Variants in CDK6 observed in about 807,000 individuals in gnomAD.
CDK6 encodes the protein cyclin-dependent kinase 6.
A neutral mutation model predicts 37.1 loss-of-function variants in CDK6; 6 were observed. That is an observed-to-expected ratio of 0.16 (90% CI 0.09 to 0.32). CDK6 has a LOEUF of 0.32. Among genes scored for constraint, CDK6 ranks in the 10% least tolerant of loss-of-function variants. The pLI, the probability that CDK6 is intolerant of heterozygous loss-of-function variation, is 1.00. For missense variants in CDK6, 224 were observed against 418.9 expected, an observed-to-expected ratio of 0.53 and a Z score of 4.06; for synonymous variants, 160 against 161.3, an observed-to-expected ratio of 0.99 and a Z score of 0.06.
intron 3 of CDK6, among the ~76,000 whole-genome samples, chr7:92,728,849 T>C (rs1289989765): frequency 6.6e-6 from 1 of 152,216 alleles, no homozygotes; most frequent in Non-Finnish European, 1.5e-5. Context: ...AACACTGAGT[T>C]AACGACTTAA....
rs147442028 is a variant in CDK6 at position 92,764,048 on chromosome 7, G to T, written c.369+10648C>A. On this transcript the variant is annotated intron_variant, in intron 3 of 7. Coordinates refer to ENST00000424848, the MANE Select transcript of CDK6 (RefSeq NM_001145306.2). Reference sequence around the variant, plus strand: ...TTACTCATTTTTGCAAAATCTGTTGGGTTTAAAAAAAAAACCTGTTGGGTT... The same window carrying T: ...TTACTCATTTTTGCAAAATCTGTTGTGTTTAAAAAAAAAACCTGTTGGGTT... 1.4e-3 allele frequency among the ~76,000 whole-genome samples: 212 copies of T among 151,224 alleles called. 1 individual carries two copies. Among genetic ancestry groups the T allele is most frequent in the African/African-American group, 2.7e-3 (113 of 41,234 alleles).
intron 2 of CDK6, among the ~76,000 whole-genome samples, chr7:92,795,536 A>G (rs1424029194): frequency 6.6e-6 from 1 of 152,118 alleles, no homozygotes; most frequent in East Asian, 1.9e-4. Context: ...TTTCCAAGGA[A>G]TCACAAAAAA....
chr7:92,695,386 A>G (rs1168832028), intron 4 of CDK6, among the ~76,000 whole-genome samples: 2 of 152,182 alleles, frequency 1.3e-5, no homozygotes, highest in Non-Finnish European at 2.9e-5. Flanking sequence ...AGGGCACTGG[A>G]TCAAGCTAAA....
intron 2 of CDK6, among the ~76,000 whole-genome samples, chr7:92,831,703 A>G (rs944128920): frequency 6.6e-6 from 1 of 152,222 alleles, no homozygotes; most frequent in Non-Finnish European, 1.5e-5. Context: ...TCTTAACTTT[A>G]TAACCATTTA....
rs1795423046 is a variant in CDK6 at position 92,606,161 on chromosome 7, G to C, written c.*8979C>G. 1 of 233,518 alleles carries C rather than the reference G, an allele frequency of 4.3e-6. No homozygotes were observed. The highest frequency in any genetic ancestry group is 8.5e-6 in the Non-Finnish European group (1 of 117,984). The allele number at this position is 233,518 out of a possible 1,614,324, so 14.5% of individuals were successfully genotyped here. On this transcript the variant is annotated 3_prime_UTR_variant, in exon 8 of 8. Transcript: ENST00000424848. The stretch of plus-strand genomic sequence containing the variant: ...TAAAAGTGTGGCCTGTAGATGGAGA[G>C]AAAACAGCAGCCTGGAATGTGGTTT...
intron 5 of CDK6, among the ~76,000 whole-genome samples, chr7:92,645,014 C>G (rs1769429202): frequency 6.6e-6 from 1 of 152,216 alleles, no homozygotes; most frequent in African/African-American, 2.4e-5. Flanking sequence ...AGACAAATCC[C>G]ATTTCATCGG....
intron 2 of CDK6, among the ~76,000 whole-genome samples, chr7:92,778,540 TA>T (rs1799904386): frequency 6.6e-6 from 1 of 152,230 alleles, no homozygotes; most frequent in African/African-American, 2.4e-5. Context: ...TTTGCCTTGA[TA>T]ATTCAAGATA....
intron 4 of CDK6, among the ~76,000 whole-genome samples, chr7:92,678,268 T>C (rs961807185): frequency 6.6e-6 from 1 of 152,194 alleles, no homozygotes; most frequent in African/African-American, 2.4e-5. Context: ...TCGCTACTAA[T>C]GGTAACAATG....
At chr7:92,720,632 G>A (rs2116699497) in intron 4 of CDK6, among the ~76,000 whole-genome samples, 1 of 152,288 alleles carries the variant, frequency 6.6e-6, no homozygotes, top group East Asian at 1.9e-4. Context: ...CTTCATGACT[G>A]TCAGAGCCCT....
intron 3 of CDK6, among the ~76,000 whole-genome samples, chr7:92,772,813 A>T (rs1799751129): frequency 6.6e-6 from 1 of 152,110 alleles, no homozygotes; most frequent in Admixed American, 6.6e-5. Flanking sequence ...CAACATTTTA[A>T]CTGCACAGAT....
chr7:92,666,184 G>C (rs1212882148), intron 5 of CDK6, among the ~76,000 whole-genome samples: 1 of 152,170 alleles, frequency 6.6e-6, no homozygotes, highest in Non-Finnish European at 1.5e-5. Context: ...AATCCCAACT[G>C]CTGGCCTTCC....
chr7:92,747,839 A>T (rs1799096229), intron 3 of CDK6, among the ~76,000 whole-genome samples: 1 of 152,246 alleles, frequency 6.6e-6, no homozygotes. Flanking sequence ...TTACAGAATA[A>T]ATAAGATATA....
intron 2 of CDK6, among the ~76,000 whole-genome samples, chr7:92,816,517 T>C (rs1191319716): frequency 6.6e-6 from 1 of 152,120 alleles, no homozygotes; most frequent in Non-Finnish European, 1.5e-5. Context: ...ATCCCTTACA[T>C]GTTTGGAAAT....
At chr7:92,709,063 C>T (rs1048833244) in intron 4 of CDK6, among the ~76,000 whole-genome samples, 1 of 151,954 alleles carries the variant, frequency 6.6e-6, no homozygotes, top group Non-Finnish European at 1.5e-5. Flanking sequence ...ATGTTTTCCC[C>T]GGATCTACAT....
intron 5 of CDK6, among the ~76,000 whole-genome samples, chr7:92,636,715 G>A (rs1170453960): frequency 6.6e-6 from 1 of 152,126 alleles, no homozygotes; most frequent in Non-Finnish European, 1.5e-5. Context: ...GCCCAGGCTG[G>A]AGTGCAGTGG....
intron 3 of CDK6, among the ~76,000 whole-genome samples, chr7:92,773,505 A>G (rs1333837843): frequency 6.6e-6 from 1 of 152,176 alleles, no homozygotes; most frequent in East Asian, 1.9e-4. Flanking sequence ...CAAACTCATA[A>G]AGGAGAGAAC....
intron 2 of CDK6, among the ~76,000 whole-genome samples, chr7:92,782,188 A>C (rs954649505): frequency 6.6e-6 from 1 of 152,242 alleles, no homozygotes; most frequent in African/African-American, 2.4e-5. Flanking sequence ...GTGGGAAAGA[A>C]GACTTACAAG....
At chr7:92,684,678 C>T (rs773711069) in intron 4 of CDK6, among the ~76,000 whole-genome samples, 28 of 152,174 alleles carry the variant, frequency 1.8e-4, no homozygotes, top group Non-Finnish European at 3.5e-4. Context: ...CAGGCTCTTC[C>T]TCAAAATCAC....
chr7:92,761,346 T>C (rs1799452590), intron 3 of CDK6, among the ~76,000 whole-genome samples: 2 of 152,172 alleles, frequency 1.3e-5, no homozygotes, highest in Non-Finnish European at 2.9e-5. Context: ...GTACAAAATA[T>C]AAAACAGGCC....
Sources: allele counts gnomAD v4.1 joint callset (sites outside exome capture counted in the v4.1 genomes callset), GRCh38; gene constraint gnomAD v4.1.1; transcripts MANE v1.5; gene names NCBI Gene and HGNC (gene_info 2026-07-23, HGNC 2026-07-21).